The following B4GALNT1 variants were observed in gnomAD, a reference collection of about 807,000 sequenced individuals.
The protein encoded by B4GALNT1 is beta-1,4 N-acetylgalactosaminyltransferase 1.
B4GALNT1 carries 43 observed loss-of-function variants against 55.2 expected under a neutral mutation model. The observed-to-expected ratio is 0.78, with a 90% CI of 0.61 to 1.00. The LOEUF (loss-of-function observed/expected upper bound fraction) is 1.00. Among genes scored for constraint, B4GALNT1 ranks in the 50% least tolerant of loss-of-function variants. The pLI, the probability that B4GALNT1 is intolerant of heterozygous loss-of-function variation, is 0.00. For missense variants in B4GALNT1, 664 were observed against 729.7 expected (o/e 0.91, Z 1.04); for synonymous variants, 305 against 311.6 (o/e 0.98, Z 0.22).
chr12:57,632,252 C>T, intron 1 of B4GALNT1, 119 bp from the exon 2 acceptor site: 1 of 973,212 alleles, frequency 1.0e-6, no homozygotes, highest in Non-Finnish European at 1.6e-6. Context: ...CTCTCCACTC[C>T]ACACATCGCG....
chr12:57,627,737 TC>T lies in B4GALNT1; in HGVS notation c.1264del (p.Glu422SerfsTer66). 1 of 1,610,588 alleles carries T rather than the reference TC, an allele frequency of 6.2e-7. No homozygotes were observed. Among genetic ancestry groups the T allele is most frequent in the South Asian group, 1.1e-5 (1 of 90,608 alleles). On this transcript the variant is annotated frameshift_variant, in exon 10 of 11. Coordinates refer to ENST00000341156, the MANE Select transcript of B4GALNT1 (RefSeq NM_001478.5). LOFTEE classifies it high-confidence loss of function. ...CLRQRRGFHH[E>X]LVGFPGCVVT... Reference sequence around the variant, plus strand: ...CACGCAGCCTGGGAAGCCGACGAGCTCGTGGTGGAAGCCGCGCCTTTGCCGG... The same window carrying T: ...CACGCAGCCTGGGAAGCCGACGAGCTGTGGTGGAAGCCGCGCCTTTGCCGG...
intron 6 of B4GALNT1, chr12:57,629,836 C>G: frequency 6.8e-7 from 1 of 1,468,660 alleles, no homozygotes; most frequent in Non-Finnish European, 9.0e-7. Flanking sequence ...GACCTTTGCC[C>G]TCTAGTAAGG....
chr12:57,624,699 AATC>A lies in B4GALNT1; in HGVS notation c.*2042_*2044del, dbSNP rs1884685150. 1 of 778,830 alleles carries A rather than the reference AATC, an allele frequency of 1.3e-6. No individual in the cohort carries two copies. Among genetic ancestry groups the A allele is most frequent in the South Asian group, 1.4e-5 (1 of 72,898 alleles). The allele number at this position is 778,830 out of a possible 1,614,324, so 48.2% of individuals were successfully genotyped here. A position where few individuals can be genotyped will look rare whatever the true frequency, so the allele number is the denominator to read the frequency against. Reference sequence around the variant, plus strand: ...TCCAGCCAGGCCAGGCTAAGCTGGAAATCTGGCCCCACCTTCTTCCCTAGGGTG... The same window carrying A: ...TCCAGCCAGGCCAGGCTAAGCTGGAATGGCCCCACCTTCTTCCCTAGGGTG... On this transcript the variant is annotated 3_prime_UTR_variant, in exon 11 of 11. Coordinates refer to ENST00000341156, the MANE Select transcript of B4GALNT1 (RefSeq NM_001478.5).
In B4GALNT1 at chr12:57,631,490, A is replaced by T. The variant is rs140263452; in HGVS notation, c.219-126T>A. ...TGTCTGTCTAGGCTCTGTCCCCTTAAATGCTGCCCTTCAAATAGTCCTCGG... is the reference window on the plus strand; with the variant it reads ...TGTCTGTCTAGGCTCTGTCCCCTTATATGCTGCCCTTCAAATAGTCCTCGG... On this transcript the variant is annotated intron_variant, in intron 2 of 10. Transcript: ENST00000341156. 6 of 1,082,446 alleles carry T rather than the reference A, an allele frequency of 5.5e-6. No homozygotes were observed. The East Asian group carries it at 1.5e-4, about 27-fold the overall frequency. 67.1% of individuals were successfully genotyped at this position (1,082,446 alleles called of 1,614,324 possible).
intron 4 of B4GALNT1, 63 bp from the exon 5 acceptor site, chr12:57,630,581 T>G: frequency 6.6e-7 from 1 of 1,523,206 alleles, no homozygotes; most frequent in South Asian, 1.3e-5. Context: ...TCTCATTTTC[T>G]CTCCCTGCTG....
At chr12:57,631,705 G>C (rs764061527) in intron 2 of B4GALNT1, among the ~76,000 whole-genome samples, 1 of 152,018 alleles carries the variant, frequency 6.6e-6, no homozygotes, top group Non-Finnish European at 1.5e-5. Context: ...AACCTCCCAC[G>C]CCCATCCCCA....
At position 57,628,156 on chromosome 12, in the gene B4GALNT1, A is replaced by T; in HGVS notation, c.1109T>A (p.Leu370His). The change falls in exon 9 of 11, where the codon CTT becomes CAT. Residue 370 changes from leucine (L) to histidine (H), a missense_variant. Coordinates refer to ENST00000341156, the MANE Select transcript of B4GALNT1 (RefSeq NM_001478.5). ...CGGCGTCCGCTCCAGCACGTCCACA[A>T]GCCTCTCCAGCCGCGTCCGCGCCGT... ...VFTARTRLERLVDVLERTPLD... is the reference protein window; with the variant it reads ...VFTARTRLERHVDVLERTPLD... The T allele has an allele frequency of 6.2e-7, 1 of 1,614,186 alleles. No homozygotes were observed. The highest frequency in any genetic ancestry group is 8.5e-7 in the Non-Finnish European group (1 of 1,180,036).
At chr12:57,632,302 C>A in intron 1 of B4GALNT1, 169 bp from the exon 2 acceptor site, 1 of 728,290 alleles carries the variant, frequency 1.4e-6, no homozygotes, top group Non-Finnish European at 2.5e-6. Flanking sequence ...CCCGGTACCC[C>A]TCCCCTCACT....
rs1210456905 is a variant in B4GALNT1 at position 57,623,991 on chromosome 12, C to T, written c.*2753G>A. The T allele has an allele frequency of 1.2e-6, 2 of 1,611,850 alleles. No homozygotes were observed. Among genetic ancestry groups the T allele is most frequent in the South Asian group, 1.1e-5 (1 of 90,786 alleles). On this transcript the variant is annotated 3_prime_UTR_variant, in exon 11 of 11. Coordinates refer to ENST00000341156, the MANE Select transcript of B4GALNT1 (RefSeq NM_001478.5). ...GACATCGAGGTAGTCAGCCCACCTC[C>T]TCTGCCTCAAGGCTGTCCTGGCTTG...
Position 57,624,228 on chromosome 12 carries a change from T to A in B4GALNT1, c.*2516A>T. 1.2e-6 allele frequency: 1 copy of A among 835,576 alleles called. No homozygotes were observed. The highest frequency in any genetic ancestry group is 1.9e-6 in the Non-Finnish European group (1 of 525,252). 51.8% of individuals were successfully genotyped at this position (835,576 alleles called of 1,614,324 possible). On this transcript the variant is annotated 3_prime_UTR_variant, in exon 11 of 11. Transcript: ENST00000341156. ...CACCCACTCCCCCAGCAAACATAAC[T>A]CCTAGTATGCTTTACTCACAGGCAA... is the stretch of plus-strand genomic sequence containing the variant.
chr12:57,632,684 C>G (rs566963224), intron 1 of B4GALNT1, 88 bp downstream of exon 1: 1 of 176,842 alleles, frequency 5.7e-6, no homozygotes, highest in African/African-American at 2.4e-5. Flanking sequence ...CAGAGTGGAC[C>G]GGGAAGCGCG....
chr12:57,631,810 G>T (rs1885228658), intron 2 of B4GALNT1, 105 bp downstream of exon 2: 1 of 1,155,674 alleles, frequency 8.7e-7, no homozygotes, highest in Admixed American at 3.6e-5. Flanking sequence ...ACTCCACACA[G>T]CCCGTTAGGA....
At position 57,625,827 on chromosome 12, in the gene B4GALNT1, GGAAT is replaced by G; in HGVS notation, c.*913_*916del. On this transcript the variant is annotated 3_prime_UTR_variant, in exon 11 of 11. Coordinates refer to ENST00000341156, the MANE Select transcript of B4GALNT1 (RefSeq NM_001478.5). Reference sequence around the variant, plus strand: ...AGATCAAGAAGAAAAGGGTGGGGACGGAATGAATAGTAGATTGAAGACCAAATCA... The same window carrying G: ...AGATCAAGAAGAAAAGGGTGGGGACGGAATAGTAGATTGAAGACCAAATCA... 1.4e-6 allele frequency: 2 copies of G among 1,425,294 alleles called. No homozygotes were observed. Among genetic ancestry groups the G allele is most frequent in the Non-Finnish European group, 1.8e-6 (2 of 1,086,866 alleles). The allele number at this position is 1,425,294 out of a possible 1,614,324, so 88.3% of individuals were successfully genotyped here.
chr12:57,624,540 G>A lies in B4GALNT1; in HGVS notation c.*2204C>T, dbSNP rs760778975. The A allele has an allele frequency of 1.6e-6, 1 of 637,520 alleles. No homozygotes were observed. The highest frequency in any genetic ancestry group is 1.4e-5 in the South Asian group (1 of 72,300). The allele number at this position is 637,520 out of a possible 1,614,324, so 39.5% of individuals were successfully genotyped here. On this transcript the variant is annotated 3_prime_UTR_variant, in exon 11 of 11. Transcript: ENST00000341156. ...ACCTGGGTGGCAGTAGTGACCCTGA[G>A]TGTGGATTTGGGCCTGGCTGTGGGT... is the stretch of plus-strand genomic sequence containing the variant.
rs532429205 is a variant in B4GALNT1 at position 57,627,913 on chromosome 12, G to A, written c.1144-55C>T. ...GGGCCTGGGATAGGGGACCCGAAGG[G>A]GTCAAGGTCTGCGCTCCGGTGCCTT... is the stretch of plus-strand genomic sequence containing the variant. On this transcript the variant is annotated intron_variant, in intron 9 of 10. Transcript: ENST00000341156. 4.9e-5 allele frequency: 74 copies of A among 1,503,024 alleles called. No homozygotes were observed. The African/African-American group carries it at 9.9e-4, about 20-fold the overall frequency. The allele number at this position is 1,503,024 out of a possible 1,614,324, so 93.1% of individuals were successfully genotyped here. A position where few individuals can be genotyped will look rare whatever the true frequency, so the allele number is the denominator to read the frequency against.
Position 57,625,145 on chromosome 12 carries a change from C to T in B4GALNT1, c.*1599G>A, listed in dbSNP as rs141109880. The stretch of plus-strand genomic sequence containing the variant: ...TAGGAGACTTCAAAGCCAGATGGCC[C>T]AATGGTTGCAGGTGAGATGGGGTGA... On this transcript the variant is annotated 3_prime_UTR_variant, in exon 11 of 11. Coordinates refer to ENST00000341156, the MANE Select transcript of B4GALNT1 (RefSeq NM_001478.5). The T allele has an allele frequency of 3.4e-4, 549 of 1,613,938 alleles. 3 individuals carry two copies. In the Middle Eastern group the frequency reaches 3.6e-3, roughly 11 times the overall value.
chr12:57,632,049 C>T lies in B4GALNT1; in HGVS notation c.84G>A (p.Arg28=). Residue 28 remains arginine (R), a synonymous_variant, in exon 2 of 11, where the codon CGG becomes CGA. Coordinates refer to ENST00000341156, the MANE Select transcript of B4GALNT1 (RefSeq NM_001478.5). ...GAGGTAGCCGGAGGCCGGGCGCGTCCCGGGTGCTCGCGTACAGGAGCCCCA... is the reference window on the plus strand; with the variant it reads ...GAGGTAGCCGGAGGCCGGGCGCGTCTCGGGTGCTCGCGTACAGGAGCCCCA... The part of the protein sequence containing the change: ...ASLGLLYAST[R]DAPGLRLPLA... The T allele has an allele frequency of 6.9e-7, 1 of 1,445,150 alleles. No homozygotes were observed. Among genetic ancestry groups the T allele is most frequent in the Middle Eastern group, 1.9e-4 (1 of 5,144 alleles). The allele number at this position is 1,445,150 out of a possible 1,614,324, so 89.5% of individuals were successfully genotyped here.
Position 57,626,709 on chromosome 12 carries a change from G to C in B4GALNT1, c.*35C>G, listed in dbSNP as rs1215334712. On this transcript the variant is annotated 3_prime_UTR_variant, in exon 11 of 11. Coordinates refer to ENST00000341156, the MANE Select transcript of B4GALNT1 (RefSeq NM_001478.5). ...ATTCCTGGCAGGGACAAGGAGGCAG[G>C]CCCAGCCTGACAGTCAGAAATCCCC... 6.2e-7 allele frequency: 1 copy of C among 1,611,616 alleles called. No individual in the cohort carries two copies. The highest frequency in any genetic ancestry group is 1.3e-5 in the African/African-American group (1 of 74,892).
chr12:57,626,374 A>C lies in B4GALNT1; in HGVS notation c.*370T>G. 3.4e-6 allele frequency: 1 copy of C among 296,982 alleles called. No homozygotes were observed. The highest frequency in any genetic ancestry group is 6.5e-6 in the Non-Finnish European group (1 of 153,580). The allele number at this position is 296,982 out of a possible 1,614,324, so 18.4% of individuals were successfully genotyped here. ...CAGTCTTGGGATTATGTGTTGGGGA[A>C]CTTCCCCACCCCCTCGGTCCCAAGA... On this transcript the variant is annotated 3_prime_UTR_variant, in exon 11 of 11. Transcript: ENST00000341156.
Sources: allele counts gnomAD v4.1 joint callset (sites outside exome capture counted in the v4.1 genomes callset), GRCh38; gene constraint gnomAD v4.1.1; transcripts MANE v1.5; gene names NCBI Gene and HGNC (gene_info 2026-07-23, HGNC 2026-07-21).